RABEP1: variants seen among roughly 807,000 people sequenced by gnomAD.
The protein encoded by RABEP1 is rabaptin, RAB GTPase binding effector protein 1.
A neutral mutation model predicts 123.4 loss-of-function variants in RABEP1; 51 were observed. The observed-to-expected ratio is 0.41, with a 90% CI of 0.33 to 0.52. The LOEUF is 0.52. Ranked by LOEUF, RABEP1 falls within the 20% of genes least tolerant of loss-of-function variation. The probability of loss-of-function intolerance (pLI) is 0.16; values close to 1 mark genes in which losing one functional copy is unlikely to be tolerated. For missense variants in RABEP1, 888 were observed against 996.3 expected, an observed-to-expected ratio of 0.89 and a Z score of 1.46; for synonymous variants, 347 against 355.2, an observed-to-expected ratio of 0.98 and a Z score of 0.26.
intron 2 of RABEP1, among the ~76,000 whole-genome samples, chr17:5,309,667 A>G (rs1014339086): frequency 6.6e-6 from 1 of 151,964 alleles, no homozygotes; most frequent in African/African-American, 2.4e-5. Context: ...AAAAAAAAAA[A>G]AAAGAAAAAG....
intron 11 of RABEP1, among the ~76,000 whole-genome samples, chr17:5,367,576 A>G (rs1049986784): frequency 6.2e-5 from 9 of 146,052 alleles, no homozygotes; most frequent in African/African-American, 1.7e-4. Context: ...GCCAAGGGTA[A>G]AACTTTTTTT....
chr17:5,357,915 A>G (rs1176866899), intron 8 of RABEP1, among the ~76,000 whole-genome samples: 1 of 152,196 alleles, frequency 6.6e-6, no homozygotes, highest in Non-Finnish European at 1.5e-5. Context: ...CAGAGGGTTT[A>G]GGACTGGCTG....
rs183976538 is a variant in RABEP1 at position 5,334,527 on chromosome 17, C to T, written c.368-657C>T. ...GATTACAGGCATGAGCCACCACACC[C>T]GGCAATTTTTCTATCTTTGGTAGAG... On this transcript the variant is annotated intron_variant, in intron 3 of 17. Coordinates refer to ENST00000537505, the MANE Select transcript of RABEP1 (RefSeq NM_004703.6). Among the ~76,000 whole-genome samples, 328 of 152,264 alleles carry T rather than the reference C, an allele frequency of 2.2e-3. 2 individuals carry two copies. Among genetic ancestry groups the T allele is most frequent in the African/African-American group, 7.5e-3 (312 of 41,556 alleles).
intron 2 of RABEP1, among the ~76,000 whole-genome samples, chr17:5,326,990 G>C (rs1169383096): frequency 6.6e-6 from 1 of 152,112 alleles, no homozygotes; most frequent in Non-Finnish European, 1.5e-5. Flanking sequence ...CTGAAAAGCT[G>C]TACAGCACGT....
intron 2 of RABEP1, among the ~76,000 whole-genome samples, chr17:5,326,998 CGTTACTGTACTGAATGCTGTAAGCA>C (rs1567524240): frequency 6.6e-6 from 1 of 152,096 alleles, no homozygotes; most frequent in Non-Finnish European, 1.5e-5. Context: ...CTGTACAGCA[CGTTACTGTACTGAATGCTGTAAGCA>C]GTTACAACAC....
intron 2 of RABEP1, among the ~76,000 whole-genome samples, chr17:5,315,997 A>AC (rs1226656370): frequency 6.6e-6 from 1 of 152,254 alleles, no homozygotes; most frequent in East Asian, 1.9e-4. Context: ...TAAACACCAT[A>AC]GATGCCAGAA....
intron 2 of RABEP1, among the ~76,000 whole-genome samples, chr17:5,322,919 T>A (rs1449471791): frequency 3.9e-5 from 6 of 151,916 alleles, no homozygotes; most frequent in Admixed American, 3.9e-4. Context: ...TACAAAAAAT[T>A]CAAAAAATTA....
intron 1 of RABEP1, among the ~76,000 whole-genome samples, chr17:5,300,148 C>G (rs990997614): frequency 6.6e-6 from 1 of 152,156 alleles, no homozygotes; most frequent in African/African-American, 2.4e-5. Flanking sequence ...GAAGGAAAAT[C>G]TACCCAGCTA....
chr17:5,316,959 C>G (rs1184788721), intron 2 of RABEP1, among the ~76,000 whole-genome samples: 3 of 151,608 alleles, frequency 2.0e-5, no homozygotes, highest in Admixed American at 6.6e-5. Context: ...GGCTGGCGTG[C>G]TGTGGCACTA....
Position 5,335,108 on chromosome 17 carries a change from C to G in RABEP1, c.368-76C>G, listed in dbSNP as rs569003320. The G allele has an allele frequency of 7.7e-6, 10 of 1,303,536 alleles. No homozygotes were observed. In the South Asian group the frequency reaches 1.6e-4, roughly 21 times the overall value. 80.7% of individuals were successfully genotyped at this position (1,303,536 alleles called of 1,614,324 possible). The stretch of plus-strand genomic sequence containing the variant: ...AATTAGACGTAAGCTTTTTATATAA[C>G]TTTAAAAAATTTAGTGTGCCAGGTT... On this transcript the variant is annotated intron_variant, in intron 3 of 17. Transcript: ENST00000537505.
chr17:5,338,812 T>C (rs1239374575), intron 5 of RABEP1, among the ~76,000 whole-genome samples: 1 of 152,134 alleles, frequency 6.6e-6, no homozygotes, highest in Non-Finnish European at 1.5e-5. Context: ...AGAGATAATG[T>C]AGCTATAGTA....
At chr17:5,336,030 G>T (rs1258248521) in intron 4 of RABEP1, among the ~76,000 whole-genome samples, 1 of 151,954 alleles carries the variant, frequency 6.6e-6, no homozygotes, top group East Asian at 1.9e-4. Flanking sequence ...TATAATACTT[G>T]AACATAGGGC....
At chr17:5,294,893 G>A (rs2075067892) in intron 1 of RABEP1, among the ~76,000 whole-genome samples, 1 of 151,118 alleles carries the variant, frequency 6.6e-6, no homozygotes, top group African/African-American at 2.4e-5. Flanking sequence ...TGATCTGCCG[G>A]CCTCGGCCTC....
rs1911768594 is a variant in RABEP1 at position 5,384,416 on chromosome 17, T to TTCA, written c.*1199_*1201dup. The TTCA allele has an allele frequency of 4.7e-6, 1 of 214,370 alleles. No homozygotes were observed. The highest frequency in any genetic ancestry group is 9.4e-6 in the Non-Finnish European group (1 of 106,240). The allele number at this position is 214,370 out of a possible 1,614,324, so 13.3% of individuals were successfully genotyped here. On this transcript the variant is annotated 3_prime_UTR_variant, in exon 18 of 18. Transcript: ENST00000537505. Reference sequence around the variant, plus strand: ...GTCCCAGGAATATCCAGTGGATGGATTCATCATCCAGGAGGTTCAAAAGTA... The same window carrying TTCA: ...GTCCCAGGAATATCCAGTGGATGGATTCATCATCATCCAGGAGGTTCAAAAGTA...
rs1316448543 is a variant in RABEP1, at chr17:5,385,098, GT to G, written c.*1877del. On this transcript the variant is annotated 3_prime_UTR_variant, in exon 18 of 18. Transcript: ENST00000537505. ...ATAAAATCATCACAATTAGGGAATG[GT>G]TAGTGGTCTCTACTGTGGCAAATGC... 4.4e-6 allele frequency: 1 copy of G among 229,350 alleles called. No homozygotes were observed. Among genetic ancestry groups the G allele is most frequent in the African/African-American group, 2.2e-5 (1 of 45,172 alleles). The allele number at this position is 229,350 out of a possible 1,614,324, so 14.2% of individuals were successfully genotyped here. A position where few individuals can be genotyped will look rare whatever the true frequency, so the allele number is the denominator to read the frequency against.
chr17:5,326,363 A>G (rs1905969590), intron 2 of RABEP1, among the ~76,000 whole-genome samples: 1 of 152,222 alleles, frequency 6.6e-6, no homozygotes, highest in Non-Finnish European at 1.5e-5. Flanking sequence ...GTTAATGCAA[A>G]CTACTAAGTG....
At chr17:5,378,096 G>A in intron 14 of RABEP1, 81 bp from the exon 15 acceptor site, 3 of 1,051,228 alleles carry the variant, frequency 2.9e-6, no homozygotes, top group Non-Finnish European at 4.2e-6. Context: ...TCCTTTGGGG[G>A]GTGCTCTAAA....
chr17:5,356,298 A>G (rs950347976), intron 8 of RABEP1, among the ~76,000 whole-genome samples: 5 of 152,070 alleles, frequency 3.3e-5, no homozygotes, highest in South Asian at 2.1e-4. Context: ...GGAGGTTGCA[A>G]TGAGCTGAGA....
In RABEP1 at chr17:5,282,502, C is replaced by G. The variant is rs1238293595; in HGVS notation, c.16C>G (p.Pro6Ala). The change falls in exon 1 of 18, where the codon CCG (proline) becomes GCG (alanine). Residue 6 changes from proline to alanine, a missense_variant. Coordinates refer to ENST00000537505, the MANE Select transcript of RABEP1 (RefSeq NM_004703.6). ...CCGCCTGGTCATGGCGCAGCCGGGC[C>G]CGGCTTCCCAGCCTGACGGTGAGGC... Reference protein sequence around the residue: MAQPGPASQPDVSLQQ... With the variant: MAQPGAASQPDVSLQQ... 7.8e-7 allele frequency: 1 copy of G among 1,276,234 alleles called. No homozygotes were observed. Among genetic ancestry groups the G allele is most frequent in the African/African-American group, 1.5e-5 (1 of 64,604 alleles). The allele number at this position is 1,276,234 out of a possible 1,614,324, so 79.1% of individuals were successfully genotyped here.
Sources: gnomAD v4.1 joint callset for allele counts (sites outside exome capture counted in the v4.1 genomes callset) on GRCh38, gnomAD v4.1.1 for gene constraint, MANE v1.5 for transcripts, NCBI Gene and HGNC (gene_info 2026-07-23, HGNC 2026-07-21) for gene names.